The following NREP variants were observed in gnomAD, a reference collection of about 807,000 sequenced individuals.
NREP encodes the protein neuronal regeneration-related protein.
NREP carries 5 observed loss-of-function variants against 8.6 expected under a neutral mutation model. The observed-to-expected ratio is 0.58, with a 90% CI of 0.30 to 1.22. The LOEUF (loss-of-function observed/expected upper bound fraction) is 1.22. NREP is among the 50% of genes most tolerant of loss of function. The pLI, the probability that NREP is intolerant of heterozygous loss-of-function variation, is 0.07. For synonymous variants in NREP, 27 were observed against 28.0 expected (o/e 0.96, Z 0.11); for missense variants, 86 against 82.5 (o/e 1.04, Z -0.17).
At chr5:111,878,643 C>T (rs1336286883) in intron 2 of NREP, among the ~76,000 whole-genome samples, 1 of 152,080 alleles carries the variant, frequency 6.6e-6, no homozygotes, top group African/African-American at 2.4e-5. Flanking sequence ...AATTTGTTTG[C>T]CGTTGTCTTA....
chr5:111,792,326 T>C (rs1751768089), intron 2 of NREP, among the ~76,000 whole-genome samples: 2 of 152,208 alleles, frequency 1.3e-5, no homozygotes, highest in South Asian at 4.1e-4. Context: ...TCTGATACAC[T>C]GCCTTAAATA....
intron 2 of NREP, among the ~76,000 whole-genome samples, chr5:111,901,063 A>T (rs966570622): frequency 2.6e-5 from 4 of 152,144 alleles, no homozygotes; most frequent in Non-Finnish European, 4.4e-5. Flanking sequence ...ACAAACCATG[A>T]TCAAGTGGAA....
intron 2 of NREP, among the ~76,000 whole-genome samples, chr5:111,870,983 G>T (rs1251085896): frequency 1.3e-5 from 2 of 151,676 alleles, no homozygotes; most frequent in African/African-American, 2.4e-5. Context: ...TTCTGGAAAG[G>T]TCTATAGCCT....
chr5:111,792,797 C>A (rs1751781337), intron 2 of NREP, among the ~76,000 whole-genome samples: 1 of 152,156 alleles, frequency 6.6e-6, no homozygotes, highest in Admixed American at 6.5e-5. Context: ...AAATTTATTT[C>A]TGCTGGTGAT....
chr5:111,964,205 C>T (rs1756562672), intron 2 of NREP, among the ~76,000 whole-genome samples: 2 of 152,174 alleles, frequency 1.3e-5, no homozygotes, highest in Non-Finnish European at 2.9e-5. Context: ...AATAGAATCA[C>T]ATCATATGTA....
chr5:111,955,511 C>T lies in NREP; in HGVS notation c.135+19763G>A, dbSNP rs1043456646. The stretch of plus-strand genomic sequence containing the variant: ...AAACAAAAAACAAAAAAAAAAAACA[C>T]ATTCGGTTCTAAGACTTGTGATAAG... On this transcript the variant is annotated intron_variant, in intron 2 of 3. Transcript: ENST00000395634. Among the ~76,000 whole-genome samples the T allele has an allele frequency of 4.1e-5, 6 of 145,934 alleles. No homozygotes were observed. The East Asian group carries it at 1.2e-3, about 29-fold the overall frequency.
intron 2 of NREP, among the ~76,000 whole-genome samples, chr5:111,945,156 C>T (rs1207218522): frequency 6.6e-6 from 1 of 152,080 alleles, no homozygotes; most frequent in African/African-American, 2.4e-5. Flanking sequence ...TTGTTATCAT[C>T]CTAACTCTTA....
intron 2 of NREP, among the ~76,000 whole-genome samples, chr5:111,899,859 T>C (rs1318462295): frequency 2.0e-5 from 3 of 152,190 alleles, no homozygotes; most frequent in Admixed American, 1.3e-4. Context: ...TCCAATCCAA[T>C]AATAGCTGGG....
chr5:111,783,306 T>C (rs1042794799), intron 2 of NREP, among the ~76,000 whole-genome samples: 2 of 152,344 alleles, frequency 1.3e-5, no homozygotes, highest in African/African-American at 2.4e-5. Flanking sequence ...ATTTTGTAAC[T>C]TGAAATTTTG....
chr5:111,881,278 G>A (rs1044183346), intron 2 of NREP, among the ~76,000 whole-genome samples: 6 of 152,302 alleles, frequency 3.9e-5, no homozygotes, highest in Admixed American at 3.9e-4. Context: ...TGGGGGAGGG[G>A]TGCCCACCAT....
chr5:111,770,554 CTTTTTTT>C lies in NREP; in HGVS notation c.136-35054_136-35048del, dbSNP rs34538408. ...TTATTTGGTAAAGAAGAATTATTTC[CTTTTTTT>C]TTTTTTTTTTTTTTTTTTTTTTTGA... On this transcript the variant is annotated intron_variant, in intron 2 of 3. Coordinates refer to the NREP transcript ENST00000395634. Among the ~76,000 whole-genome samples the C allele has an allele frequency of 9.5e-5, 7 of 73,582 alleles. No homozygotes were observed. The South Asian group carries it at 1.5e-3, about 15-fold the overall frequency. 48.3% of individuals were successfully genotyped at this position (73,582 alleles called of 152,430 possible).
At chr5:111,939,512 CA>C (rs1247745782) in intron 2 of NREP, among the ~76,000 whole-genome samples, 35 of 152,082 alleles carry the variant, frequency 2.3e-4, no homozygotes, top group African/African-American at 8.2e-4. Flanking sequence ...ACCCTGAAAT[CA>C]GTATTTGCAG....
At chr5:111,870,186 T>C (rs868747304) in intron 2 of NREP, among the ~76,000 whole-genome samples, 1 of 152,154 alleles carries the variant, frequency 6.6e-6, no homozygotes, top group African/African-American at 2.4e-5. Context: ...ACCCAGCACT[T>C]TGGGAGGCTG....
chr5:111,735,530 A>G, intron 2 of NREP, 23 bp from the exon 3 acceptor site: 8 of 1,559,406 alleles, frequency 5.1e-6, no homozygotes, highest in Non-Finnish European at 7.1e-6. Context: ...AAAAGCATAC[A>G]CATTCAGATT....
intron 2 of NREP, among the ~76,000 whole-genome samples, chr5:111,807,159 C>T (rs1302012396): frequency 4.6e-5 from 7 of 152,156 alleles, no homozygotes; most frequent in South Asian, 2.1e-4. Context: ...CTATTGACTT[C>T]GTCTTAAAAC....
At chr5:111,865,522 G>A (rs1260253376) in intron 2 of NREP, among the ~76,000 whole-genome samples, 1 of 152,088 alleles carries the variant, frequency 6.6e-6, no homozygotes, top group Non-Finnish European at 1.5e-5. Context: ...GAATCACCTC[G>A]CCCAGTATTG....
At chr5:111,931,892 T>G (rs564315659) in intron 2 of NREP, among the ~76,000 whole-genome samples, 14 of 152,008 alleles carry the variant, frequency 9.2e-5, no homozygotes, top group Non-Finnish European at 1.3e-4. Flanking sequence ...GAGACAACAG[T>G]TGTTCCAGGG....
At chr5:111,956,536 T>C (rs1756325416) in intron 2 of NREP, among the ~76,000 whole-genome samples, 1 of 151,680 alleles carries the variant, frequency 6.6e-6, no homozygotes, top group South Asian at 2.1e-4. Context: ...ACATGAAGAA[T>C]ATAAACTTTA....
At chr5:111,931,510 G>C (rs1388418668) in intron 2 of NREP, among the ~76,000 whole-genome samples, 1 of 152,124 alleles carries the variant, frequency 6.6e-6, no homozygotes, top group Non-Finnish European at 1.5e-5. Flanking sequence ...CAAGACTTCA[G>C]ATGATTGCAG....
Sources: gnomAD v4.1 joint callset for allele counts (sites outside exome capture counted in the v4.1 genomes callset) on GRCh38, gnomAD v4.1.1 for gene constraint, MANE v1.5 for transcripts, NCBI Gene and HGNC (gene_info 2026-07-23, HGNC 2026-07-21) for gene names.